HEG1: variants seen among roughly 807,000 people sequenced by gnomAD.
HEG1 encodes the protein heart development protein with EGF like domains 1, also known as protein HEG homolog 1.
HEG1 carries 56 observed loss-of-function variants against 125.6 expected under a neutral mutation model. That is an observed-to-expected ratio of 0.45 (90% confidence interval 0.36 to 0.56). The LOEUF (loss-of-function observed/expected upper bound fraction) is 0.56. Among genes scored for constraint, HEG1 ranks in the 20% least tolerant of loss-of-function variants. The pLI, the probability that HEG1 is intolerant of heterozygous loss-of-function variation, is 0.00. For missense variants in HEG1, 1,523 were observed against 1,670.0 expected (o/e 0.91, Z 1.53); for synonymous variants, 644 against 668.5 (o/e 0.96, Z 0.57).
At chr3:124,995,636 C>A (rs1936909354) in intron 12 of HEG1, among the ~76,000 whole-genome samples, 1 of 152,334 alleles carries the variant, frequency 6.6e-6, no homozygotes, top group East Asian at 1.9e-4. Context: ...AGAACCCAGC[C>A]TAAAGGGCTG....
intron 1 of HEG1, among the ~76,000 whole-genome samples, chr3:125,048,336 G>A (rs529500533): frequency 9.2e-5 from 14 of 152,306 alleles, no homozygotes; most frequent in South Asian, 6.2e-4. Context: ...GACCCTCCAC[G>A]GCACCTAGAG....
chr3:125,036,203 C>A (rs1431586624), intron 1 of HEG1, among the ~76,000 whole-genome samples: 3 of 33,344 alleles, frequency 9.0e-5, no homozygotes, highest in Non-Finnish European at 1.2e-4. Flanking sequence ...AAGCAAGACC[C>A]TGTCTCAAAA....
intron 12 of HEG1, among the ~76,000 whole-genome samples, chr3:124,994,152 A>G (rs1416620414): frequency 6.6e-6 from 1 of 152,212 alleles, no homozygotes; most frequent in African/African-American, 2.4e-5. Context: ...ATCATCAGGC[A>G]TTAGATTCTC....
chr3:125,012,498 G>T, intron 6 of HEG1, 125 bp downstream of exon 6: 2 of 1,020,930 alleles, frequency 2.0e-6, no homozygotes, highest in South Asian at 1.7e-5. Context: ...ATTTTAGGTC[G>T]CAAAACAGAA....
intron 1 of HEG1, among the ~76,000 whole-genome samples, chr3:125,049,137 T>A (rs114025395): frequency 0.013 from 1,997 of 152,268 alleles, 51 homozygotes; most frequent in African/African-American, 0.044. Flanking sequence ...CACTAAACAG[T>A]TCAGAATGGA....
rs1936331489 is a variant in HEG1 at position 124,967,212 on chromosome 3, A to G, written c.*3440T>C. On this transcript the variant is annotated 3_prime_UTR_variant, in exon 17 of 17. Transcript: ENST00000311127. ...AATTCTGAAAACAGTTCACAAAAAT[A>G]TGCTTCCAGTATGTGGGAGCCATGG... is the stretch of plus-strand genomic sequence containing the variant. 6.6e-6 allele frequency: 1 copy of G among 152,186 alleles called. No homozygotes were observed. The highest frequency in any genetic ancestry group is 1.5e-5 in the Non-Finnish European group (1 of 68,040). The allele number at this position is 152,186 out of a possible 1,614,324, so 9.4% of individuals were successfully genotyped here.
At chr3:125,042,305 G>A (rs1466572820) in intron 1 of HEG1, among the ~76,000 whole-genome samples, 2 of 152,186 alleles carry the variant, frequency 1.3e-5, no homozygotes, top group African/African-American at 4.8e-5. Flanking sequence ...GCACATGTCT[G>A]TAATCTCAGC....
intron 14 of HEG1, among the ~76,000 whole-genome samples, chr3:124,990,343 T>G (rs1292464525): frequency 1.8e-4 from 12 of 65,716 alleles, no homozygotes; most frequent in Non-Finnish European, 3.9e-4. Flanking sequence ...TTTTTTGGGT[T>G]TTTTTTTTTT....
chr3:125,033,810 C>T (rs1017015599), intron 1 of HEG1, among the ~76,000 whole-genome samples: 1 of 152,314 alleles, frequency 6.6e-6, no homozygotes. Flanking sequence ...AGCTCCGCCT[C>T]CTGACAGATC....
chr3:125,002,323 G>A lies in HEG1; in HGVS notation c.3298-8C>T, dbSNP rs752140829. 1.9e-6 allele frequency: 3 copies of A among 1,612,528 alleles called. No individual in the cohort carries two copies. The highest frequency in any genetic ancestry group is 2.5e-6 in the Non-Finnish European group (3 of 1,178,976). On this transcript the variant is annotated splice_polypyrimidine_tract_variant and splice_region_variant and intron_variant, in intron 9 of 16. Coordinates refer to ENST00000311127, the MANE Select transcript of HEG1 (RefSeq NM_020733.2). Reference sequence around the variant, plus strand: ...TGAAAAACACATATTTAACTGAAAGGAAGAACAAGCCTGTCGTTAACAGTG... The same window carrying A: ...TGAAAAACACATATTTAACTGAAAGAAAGAACAAGCCTGTCGTTAACAGTG...
At chr3:125,032,937 C>G (rs1192974222) in intron 1 of HEG1, among the ~76,000 whole-genome samples, 2 of 152,244 alleles carry the variant, frequency 1.3e-5, no homozygotes, top group South Asian at 2.1e-4. Flanking sequence ...GCCCATTCAG[C>G]TCAGGGAACT....
chr3:124,981,646 A>G (rs972109030), intron 14 of HEG1, among the ~76,000 whole-genome samples: 1 of 152,196 alleles, frequency 6.6e-6, no homozygotes, highest in Non-Finnish European at 1.5e-5. Context: ...GACCGTGGGT[A>G]GCACTGGTTT....
At chr3:124,971,175 G>A (rs1174399465) in intron 16 of HEG1, 2 of 465,960 alleles carry the variant, frequency 4.3e-6, no homozygotes, top group East Asian at 1.3e-4. Context: ...CTACTTTGAG[G>A]AGGCCTTCAA....
intron 14 of HEG1, among the ~76,000 whole-genome samples, chr3:124,979,014 G>A (rs745801323): frequency 2.6e-5 from 4 of 150,998 alleles, no homozygotes; most frequent in Non-Finnish European, 2.9e-5. Flanking sequence ...GCAATGGTGC[G>A]ATCCCGGCTC....
At chr3:125,052,786 C>T in intron 1 of HEG1, among the ~76,000 whole-genome samples, 1 of 152,132 alleles carries the variant, frequency 6.6e-6, no homozygotes, top group East Asian at 1.9e-4. Context: ...TTAACAATGG[C>T]TATATAAACA....
Position 124,966,883 on chromosome 3 carries a change from G to A in HEG1, c.*3769C>T. 1 of 152,240 alleles carries A rather than the reference G, an allele frequency of 6.6e-6. No homozygotes were observed. Among genetic ancestry groups the A allele is most frequent in the Non-Finnish European group, 1.5e-5 (1 of 68,052 alleles). The allele number at this position is 152,240 out of a possible 1,614,324, so 9.4% of individuals were successfully genotyped here. ...AGCCACACGTGGTGGGTGACCCAAAGGTGCCTGCTCTGGGAACTTTCACAT... is the reference window on the plus strand; with the variant it reads ...AGCCACACGTGGTGGGTGACCCAAAAGTGCCTGCTCTGGGAACTTTCACAT... On this transcript the variant is annotated 3_prime_UTR_variant, in exon 17 of 17. Transcript: ENST00000311127.
At chr3:125,021,229 A>C in intron 3 of HEG1, 99 bp from the exon 4 acceptor site, 2 of 846,608 alleles carry the variant, frequency 2.4e-6, no homozygotes, top group Non-Finnish European at 3.7e-6. Context: ...TTTGGTGGAT[A>C]CATCTAAATA....
chr3:125,014,214 G>C (rs2107701289), intron 5 of HEG1, among the ~76,000 whole-genome samples: 1 of 152,258 alleles, frequency 6.6e-6, no homozygotes, highest in African/African-American at 2.4e-5. Context: ...CCTGAGAGAA[G>C]CAGTGGTAGC....
intron 1 of HEG1, among the ~76,000 whole-genome samples, chr3:125,050,251 C>A (rs752465378): frequency 6.6e-6 from 1 of 150,566 alleles, no homozygotes; most frequent in South Asian, 2.1e-4. Context: ...TCAAGCGATT[C>A]TCATGCCTCA....
Sources: gnomAD v4.1 joint callset for allele counts (sites outside exome capture counted in the v4.1 genomes callset) on GRCh38, gnomAD v4.1.1 for gene constraint, MANE v1.5 for transcripts, NCBI Gene and HGNC (gene_info 2026-07-23, HGNC 2026-07-21) for gene names.